Variants in PARP8 observed in about 807,000 individuals in gnomAD.
PARP8 encodes poly(ADP-ribose) polymerase family member 8, also known as protein mono-ADP-ribosyltransferase PARP8.
A neutral mutation model predicts 124.1 loss-of-function variants in PARP8; 51 were observed. The ratio of observed to expected loss-of-function variants is 0.41; its 90% CI spans 0.33 to 0.52. PARP8 has a LOEUF of 0.52. Ranked by LOEUF, PARP8 falls within the 20% of genes least tolerant of loss-of-function variation. The probability of loss-of-function intolerance (pLI) is 0.21; values close to 1 mark genes in which losing one functional copy is unlikely to be tolerated. For missense variants in PARP8, 860 were observed against 1,018.9 expected, an observed-to-expected ratio of 0.84 and a Z score of 2.12; for synonymous variants, 391 against 361.5, an observed-to-expected ratio of 1.08 and a Z score of -0.93.
rs79368071 is a variant in PARP8 at position 50,806,933 on chromosome 5, T to A, written c.1576-8499T>A. ...CTGACACATTACAGTCTGTAGTAAG[T>A]CTCAGAGACATAAAGAGTGTAAGTT... On this transcript the variant is annotated intron_variant, in intron 14 of 25. Coordinates refer to ENST00000281631, the MANE Select transcript of PARP8 (RefSeq NM_024615.4). Among the ~76,000 whole-genome samples, 1,138 of 152,204 alleles carry A rather than the reference T, an allele frequency of 7.5e-3. 13 individuals carry two copies. The highest frequency in any genetic ancestry group is 0.026 in the African/African-American group (1,069 of 41,544).
At position 50,746,970 on chromosome 5, in the gene PARP8, G is replaced by C. The variant is rs1276623778; in HGVS notation, c.147-3181G>C. On this transcript the variant is annotated intron_variant, in intron 2 of 25. Transcript: ENST00000281631. ...TTGACCCCAGGAGTTTGAGGTTACAGTGAGCTATGATTATGCCATTGTACT... is the reference window on the plus strand; with the variant it reads ...TTGACCCCAGGAGTTTGAGGTTACACTGAGCTATGATTATGCCATTGTACT... Among the ~76,000 whole-genome samples, 3 of 152,072 alleles carry C rather than the reference G, an allele frequency of 2.0e-5. No individual in the cohort carries two copies. The East Asian group carries it at 5.8e-4, about 29-fold the overall frequency.
At chr5:50,688,421 A>G (rs1752111526) in intron 2 of PARP8, among the ~76,000 whole-genome samples, 1 of 152,256 alleles carries the variant, frequency 6.6e-6, no homozygotes, top group Non-Finnish European at 1.5e-5. Context: ...ATTGCATAAG[A>G]AGAAACTTCA....
chr5:50,748,721 A>C (rs576626921), intron 2 of PARP8, among the ~76,000 whole-genome samples: 3 of 152,118 alleles, frequency 2.0e-5, no homozygotes, highest in Non-Finnish European at 4.4e-5. Flanking sequence ...CCTTGTGTGT[A>C]ATATGTCGTT....
At chr5:50,689,588 G>T (rs915713693) in intron 2 of PARP8, among the ~76,000 whole-genome samples, 2 of 152,170 alleles carry the variant, frequency 1.3e-5, no homozygotes, top group Admixed American at 1.3e-4. Flanking sequence ...ACATTTCATG[G>T]ACTCACATTA....
At chr5:50,667,968 G>C in intron 1 of PARP8, 103 bp from the exon 2 acceptor site, 2 of 1,594,344 alleles carry the variant, frequency 1.3e-6, no homozygotes, top group South Asian at 2.2e-5. Context: ...CCTTCTGCCC[G>C]GCCAGGCCTC....
chr5:50,684,012 CTG>C (rs1368748369), intron 2 of PARP8, among the ~76,000 whole-genome samples: 2 of 152,132 alleles, frequency 1.3e-5, no homozygotes, highest in Non-Finnish European at 2.9e-5. Flanking sequence ...TCATATAAAA[CTG>C]TACACAATTT....
At chr5:50,808,659 G>A (rs746788828) in intron 14 of PARP8, among the ~76,000 whole-genome samples, 3 of 152,002 alleles carry the variant, frequency 2.0e-5, no homozygotes, top group Non-Finnish European at 2.9e-5. Context: ...ACAGCTATCC[G>A]TTTGGGAACA....
chr5:50,794,900 T>C lies in PARP8; in HGVS notation c.911T>C (p.Leu304Pro). Reference protein sequence around the residue: ...PPGCGKSKSKLKSEQDGISKT... With the variant: ...PPGCGKSKSKPKSEQDGISKT... ...GGTTGTGGCAAAAGCAAATCCAAACTGAAATCTGAGCAGGACGGAATCTCC... is the reference window on the plus strand; with the variant it reads ...GGTTGTGGCAAAAGCAAATCCAAACCGAAATCTGAGCAGGACGGAATCTCC... The change falls in exon 12 of 26, where the codon CTG (leucine) becomes CCG (proline). Residue 304 changes from leucine (L) to proline (P), a missense_variant. Physicochemically the swap from Leu to Pro is moderately conservative, Grantham distance 98. This residue lies in a region of PARP8 where 517 missense variants were observed against 544.2 expected (regional missense o/e 0.95). Coordinates refer to ENST00000281631, the MANE Select transcript of PARP8 (RefSeq NM_024615.4). 1 of 1,614,138 alleles carries C rather than the reference T, an allele frequency of 6.2e-7. No individual in the cohort carries two copies. The highest frequency in any genetic ancestry group is 8.5e-7 in the Non-Finnish European group (1 of 1,180,006).
chr5:50,784,534 C>T (rs1393735579), intron 9 of PARP8, among the ~76,000 whole-genome samples: 1 of 152,144 alleles, frequency 6.6e-6, no homozygotes, highest in Non-Finnish European at 1.5e-5. Flanking sequence ...ATTGGTACCT[C>T]TGTGCTTGCA....
Position 50,788,562 on chromosome 5 carries a change from G to A in PARP8, c.710G>A (p.Arg237Gln), listed in dbSNP as rs146551276. Reference sequence around the variant, plus strand: ...GTCTTTCAGATTTCCACAAAAGAGCGATTTGGATTGGGACATCAGCTGAAA... The same window carrying A: ...GTCTTTCAGATTTCCACAAAAGAGCAATTTGGATTGGGACATCAGCTGAAA... ...VDVFQISTKE[R>Q]FGLGHQLKKI... Residue 237 changes from arginine (R) to glutamine (Q), a missense_variant, in exon 10 of 26, where the codon CGA (arginine) becomes CAA (glutamine). Physicochemically the swap from Arg to Gln is conservative, Grantham distance 43 (BLOSUM62 1). This residue lies in a region of PARP8 where 517 missense variants were observed against 544.2 expected (regional missense o/e 0.95). Transcript: ENST00000281631. 42 of 1,613,286 alleles carry A rather than the reference G, an allele frequency of 2.6e-5. No individual in the cohort carries two copies. The African/African-American group carries it at 4.8e-4, about 18-fold the overall frequency.
chr5:50,711,365 G>T (rs1754753042), intron 2 of PARP8, among the ~76,000 whole-genome samples: 1 of 152,078 alleles, frequency 6.6e-6, no homozygotes, highest in Non-Finnish European at 1.5e-5. Flanking sequence ...ATTCAGTCAT[G>T]TGACTTGTCC....
rs1449836590 is a variant in PARP8, at chr5:50,670,122, T to C, written c.146+1997T>C. 3.9e-5 allele frequency among the ~76,000 whole-genome samples: 6 copies of C among 152,374 alleles called. No homozygotes were observed. The East Asian group carries it at 1.2e-3, about 29-fold the overall frequency. On this transcript the variant is annotated intron_variant, in intron 2 of 25. Transcript: ENST00000281631. ...TTTCATTACCGACATTATAAACCAA[T>C]ATTTATTAATCTATTTCTTATCCTG...
chr5:50,822,247 G>T, intron 16 of PARP8, 88 bp from the exon 17 acceptor site: 1 of 940,846 alleles, frequency 1.1e-6, no homozygotes, highest in East Asian at 2.4e-5. Flanking sequence ...ATTCACATAT[G>T]GAAATAATAT....
chr5:50,687,369 A>G (rs1226572740), intron 2 of PARP8, among the ~76,000 whole-genome samples: 1 of 152,164 alleles, frequency 6.6e-6, no homozygotes, highest in Non-Finnish European at 1.5e-5. Flanking sequence ...CCATATTGCT[A>G]TCAGGTTTTT....
rs555671694 is a variant in PARP8 at position 50,694,804 on chromosome 5, GAAGT to G, written c.146+26683_146+26686del. On this transcript the variant is annotated intron_variant, in intron 2 of 25. Transcript: ENST00000281631. The stretch of plus-strand genomic sequence containing the variant: ...AGCCAGTCTGAGTCTCAAAACCTCA[GAAGT>G]AAGGAAGCCAACAGTGCAGCCTTCA... Among the ~76,000 whole-genome samples the G allele has an allele frequency of 1.8e-3, 271 of 152,272 alleles. 2 individuals are homozygous for G. Among genetic ancestry groups the G allele is most frequent in the African/African-American group, 6.3e-3 (262 of 41,548 alleles).
chr5:50,766,883 GA>G (rs1012781655), intron 7 of PARP8, among the ~76,000 whole-genome samples: 2 of 151,810 alleles, frequency 1.3e-5, no homozygotes, highest in Non-Finnish European at 2.9e-5. Context: ...TGAAAGGAAA[GA>G]AAAAAAATGC....
chr5:50,717,026 A>G (rs2149496388), intron 2 of PARP8, among the ~76,000 whole-genome samples: 1 of 152,224 alleles, frequency 6.6e-6, no homozygotes, highest in South Asian at 2.1e-4. Flanking sequence ...GGCAGGGGAA[A>G]GAATCTGTAG....
intron 7 of PARP8, among the ~76,000 whole-genome samples, chr5:50,772,919 G>A (rs778530292): frequency 6.6e-6 from 1 of 152,048 alleles, no homozygotes; most frequent in Non-Finnish European, 1.5e-5. Context: ...GGCTGGTCTC[G>A]AACTCCTGAC....
At chr5:50,737,570 T>C (rs1373816267) in intron 2 of PARP8, among the ~76,000 whole-genome samples, 1 of 152,168 alleles carries the variant, frequency 6.6e-6, no homozygotes, top group Non-Finnish European at 1.5e-5. Flanking sequence ...AAATAGAATA[T>C]TAAAACAGTA....
Sources: gnomAD v4.1 joint callset for allele counts (sites outside exome capture counted in the v4.1 genomes callset) on GRCh38, gnomAD v4.1.1 for gene constraint, gnomAD v4.1.1 regional missense constraint, MANE v1.5 for transcripts, NCBI Gene and HGNC (gene_info 2026-07-23, HGNC 2026-07-21) for gene names.